The following PDE4B variants were observed in gnomAD, a reference collection of about 807,000 sequenced individuals.
PDE4B encodes 3',5'-cyclic-AMP phosphodiesterase 4B.
A neutral mutation model predicts 82.2 loss-of-function variants in PDE4B; 20 were observed. That is an observed-to-expected ratio of 0.24 (90% confidence interval 0.17 to 0.35). The LOEUF is 0.35. Among genes scored for constraint, PDE4B ranks in the 10% least tolerant of loss-of-function variants. The pLI, the probability that PDE4B is intolerant of heterozygous loss-of-function variation, is 1.00. For missense variants in PDE4B, 655 were observed against 907.2 expected (o/e 0.72, Z 3.57); for synonymous variants, 320 against 318.9 (o/e 1.00, Z -0.04).
In PDE4B at chr1:65,850,685, G is replaced by T. The variant is rs1646321711; in HGVS notation, c.-71+57437G>T. On this transcript the variant is annotated intron_variant, in intron 1 of 16. Transcript: ENST00000341517. ...TGTGTGTATATGTGTGTTTGCATGT[G>T]TGTGTATATATATATATTCTAGATG... Among the ~76,000 whole-genome samples the T allele has an allele frequency of 2.0e-5, 3 of 152,222 alleles. No homozygotes were observed. In the South Asian group the frequency reaches 6.2e-4, roughly 32 times the overall value.
At chr1:66,348,204 T>G (rs937435821) in intron 8 of PDE4B, among the ~76,000 whole-genome samples, 1 of 152,190 alleles carries the variant, frequency 6.6e-6, no homozygotes, top group African/African-American at 2.4e-5. Flanking sequence ...CTCTAGAAGC[T>G]TTCAGTTAAA....
chr1:66,320,390 C>T (rs1659313941), intron 7 of PDE4B, among the ~76,000 whole-genome samples: 2 of 152,062 alleles, frequency 1.3e-5, no homozygotes, highest in African/African-American at 4.8e-5. Context: ...AAATGTTTCC[C>T]ATATAAAAAC....
At chr1:65,980,527 G>C (rs1249356961) in intron 3 of PDE4B, among the ~76,000 whole-genome samples, 2 of 152,134 alleles carry the variant, frequency 1.3e-5, no homozygotes, top group African/African-American at 4.8e-5. Context: ...TGTTATAAAA[G>C]GGGGGTGTTG....
In PDE4B at chr1:65,918,776, G is replaced by C; in HGVS notation, c.222G>C (p.Pro74=). 6.2e-7 allele frequency: 1 copy of C among 1,613,986 alleles called. No individual in the cohort carries two copies. Among genetic ancestry groups the C allele is most frequent in the South Asian group, 1.1e-5 (1 of 91,068 alleles). The change falls in exon 3 of 17, where the codon CCG becomes CCC. Residue 74 remains proline (P), a synonymous_variant. Transcript: ENST00000341517. ...CTGAGGGAGATGGTATTTCCAGGCC[G>C]ACCACACTGCCTTTGACAACGCTTC... ...RTPEGDGISR[P]TTLPLTTLPS...
At chr1:66,233,149 C>A (rs182802463) in intron 3 of PDE4B, among the ~76,000 whole-genome samples, 2 of 152,070 alleles carry the variant, frequency 1.3e-5, no homozygotes, top group Non-Finnish European at 2.9e-5. Context: ...CCACCCCTTT[C>A]CCCCCAGGAA....
intron 3 of PDE4B, among the ~76,000 whole-genome samples, chr1:66,186,034 A>G (rs1166980330): frequency 3.3e-5 from 5 of 152,228 alleles, no homozygotes; most frequent in African/African-American, 1.2e-4. Flanking sequence ...GAAGGGATCC[A>G]GTTTCAGCTT....
chr1:66,018,034 G>A (rs1046334067), intron 3 of PDE4B, among the ~76,000 whole-genome samples: 2 of 152,232 alleles, frequency 1.3e-5, no homozygotes, highest in East Asian at 3.9e-4. Flanking sequence ...TTTAGAGGTA[G>A]AAGTTAGTTT....
intron 3 of PDE4B, among the ~76,000 whole-genome samples, chr1:66,032,197 A>AAG (rs575513709): frequency 1.8e-4 from 28 of 152,324 alleles, no homozygotes; most frequent in African/African-American, 6.7e-4. Flanking sequence ...AATAATGCAT[A>AAG]AGAAGTATTT....
At chr1:66,073,056 A>G (rs1656241177) in intron 3 of PDE4B, among the ~76,000 whole-genome samples, 1 of 151,460 alleles carries the variant, frequency 6.6e-6, no homozygotes, top group Admixed American at 6.6e-5. Flanking sequence ...TTATAGAAAC[A>G]TATTTGCCCT....
intron 1 of PDE4B, among the ~76,000 whole-genome samples, chr1:65,845,597 G>A (rs894534066): frequency 6.6e-6 from 1 of 152,132 alleles, no homozygotes; most frequent in East Asian, 1.9e-4. Context: ...TGGGCGGAAT[G>A]AAGGAATAGG....
intron 1 of PDE4B, among the ~76,000 whole-genome samples, chr1:65,851,191 CA>C (rs1248004433): frequency 6.6e-6 from 1 of 152,134 alleles, no homozygotes; most frequent in African/African-American, 2.4e-5. Flanking sequence ...ATCCTTATGC[CA>C]GTACCATATT....
intron 1 of PDE4B, among the ~76,000 whole-genome samples, chr1:65,803,032 CAT>C (rs1239579561): frequency 6.6e-6 from 1 of 151,964 alleles, no homozygotes; most frequent in Non-Finnish European, 1.5e-5. Context: ...TTTTTAATGA[CAT>C]ATATTAATAT....
At chr1:65,926,573 A>T (rs1647512773) in intron 3 of PDE4B, among the ~76,000 whole-genome samples, 1 of 152,168 alleles carries the variant, frequency 6.6e-6, no homozygotes, top group African/African-American at 2.4e-5. Flanking sequence ...TGCTTATTTT[A>T]TGTAGTAGAT....
At chr1:66,242,710 T>C (rs1321608395) in intron 3 of PDE4B, among the ~76,000 whole-genome samples, 1 of 152,110 alleles carries the variant, frequency 6.6e-6, no homozygotes, top group Non-Finnish European at 1.5e-5. Flanking sequence ...AAAGGTTTCA[T>C]GGTACACCTT....
intron 12 of PDE4B, among the ~76,000 whole-genome samples, chr1:66,364,031 G>A (rs1663034558): frequency 1.3e-5 from 2 of 152,070 alleles, no homozygotes; most frequent in South Asian, 4.1e-4. Flanking sequence ...CAGGAATCAT[G>A]TCTTATTCTT....
At chr1:66,036,953 T>C (rs1355654659) in intron 3 of PDE4B, among the ~76,000 whole-genome samples, 2 of 151,790 alleles carry the variant, frequency 1.3e-5, no homozygotes, top group Non-Finnish European at 2.9e-5. Context: ...ACCAACATGG[T>C]GAAACCCCGT....
At chr1:66,342,368 G>A (rs1661052225) in intron 8 of PDE4B, among the ~76,000 whole-genome samples, 1 of 151,906 alleles carries the variant, frequency 6.6e-6, no homozygotes, top group Admixed American at 6.6e-5. Context: ...GAGTAAGAAA[G>A]CTTAGTGTTT....
At chr1:65,976,788 A>G (rs1650432026) in intron 3 of PDE4B, among the ~76,000 whole-genome samples, 1 of 152,098 alleles carries the variant, frequency 6.6e-6, no homozygotes, top group Non-Finnish European at 1.5e-5. Context: ...TTTACCTTCC[A>G]TCATGATTTA....
chr1:65,950,082 T>C (rs1176529285), intron 3 of PDE4B, among the ~76,000 whole-genome samples: 1 of 152,080 alleles, frequency 6.6e-6, no homozygotes, highest in Non-Finnish European at 1.5e-5. Context: ...GGAGTTCCTG[T>C]TACTCTCACT....
Sources: gnomAD v4.1 joint callset for allele counts (sites outside exome capture counted in the v4.1 genomes callset) on GRCh38, gnomAD v4.1.1 for gene constraint, MANE v1.5 for transcripts, NCBI Gene and HGNC (gene_info 2026-07-23, HGNC 2026-07-21) for gene names.